The following GRIK3 variants were observed in gnomAD, a reference collection of about 807,000 sequenced individuals.
The protein encoded by GRIK3 is glutamate receptor ionotropic, kainate 3.
In GRIK3, 29 loss-of-function variants were observed where a neutral mutation model predicts 102.5. The ratio of observed to expected loss-of-function variants is 0.28; its 90% CI spans 0.21 to 0.39. The LOEUF is 0.39. Among genes scored for constraint, GRIK3 ranks in the 10% least tolerant of loss-of-function variants. GRIK3 has a pLI of 1.00. For missense variants in GRIK3, 908 were observed against 1,252.4 expected (o/e 0.73, Z 4.15); for synonymous variants, 511 against 504.9 (o/e 1.01, Z -0.16).
chr1:36,928,028 TGTCCTGCTCAAAGAGA>T (rs750879745), intron 1 of GRIK3, among the ~76,000 whole-genome samples: 1 of 152,144 alleles, frequency 6.6e-6, no homozygotes, highest in Non-Finnish European at 1.5e-5. Context: ...CGTGACCACT[TGTCCTGCTCAAAGAGA>T]GTGGGCTGGG....
chr1:36,826,503 A>G (rs1642756200), intron 10 of GRIK3, among the ~76,000 whole-genome samples: 1 of 152,070 alleles, frequency 6.6e-6, no homozygotes. Context: ...CTCCATCTCT[A>G]CAAAAAATTA....
At position 36,853,687 on chromosome 1, in the gene GRIK3, G is replaced by A. The variant is rs1640611557; in HGVS notation, c.1140C>T (p.Phe380=). Residue 380 remains phenylalanine, a synonymous_variant, in exon 8 of 16, where the codon TTC becomes TTT. Coordinates refer to ENST00000373091, the MANE Select transcript of GRIK3 (RefSeq NM_000831.4). Reference sequence around the variant, plus strand: ...CCGTCCGCAAGCCACTAGTTTTGTTGAAAACAATTCGTCCAGTTAATCCTT... The same window carrying A: ...CCGTCCGCAAGCCACTAGTTTTGTTAAAAACAATTCGTCCAGTTAATCCTT... The part of the protein sequence containing the change: ...QWEGLTGRIV[F]NKTSGLRTDF... The A allele has an allele frequency of 2.5e-6, 4 of 1,613,692 alleles. No individual in the cohort carries two copies. The highest frequency in any genetic ancestry group is 2.7e-5 in the African/African-American group (2 of 74,914).
Position 36,944,775 on chromosome 1 carries a change from A to C in GRIK3, c.116-53679T>G, listed in dbSNP as rs1641764362. ...GGTCTATGTCAATTTCCTCATCTTTAAAATGGGAGAACAACCACCTTGACG... is the reference window on the plus strand; with the variant it reads ...GGTCTATGTCAATTTCCTCATCTTTCAAATGGGAGAACAACCACCTTGACG... On this transcript the variant is annotated intron_variant, in intron 1 of 15. Transcript: ENST00000373091. Among the ~76,000 whole-genome samples the C allele has an allele frequency of 2.6e-5, 4 of 152,334 alleles. No homozygotes were observed. In the South Asian group the frequency reaches 6.2e-4, roughly 24 times the overall value.
intron 1 of GRIK3, among the ~76,000 whole-genome samples, chr1:36,986,256 C>T (rs918479877): frequency 7.2e-5 from 11 of 152,254 alleles, no homozygotes; most frequent in African/African-American, 2.4e-4. Flanking sequence ...TGCCATGATT[C>T]CTCAACATCC....
chr1:36,835,733 G>T (rs74064777), intron 10 of GRIK3, among the ~76,000 whole-genome samples: 1 of 152,136 alleles, frequency 6.6e-6, no homozygotes. Context: ...TTCTGACCTC[G>T]GTTTCCCCCA....
At chr1:36,979,536 G>A (rs1642228825) in intron 1 of GRIK3, among the ~76,000 whole-genome samples, 1 of 152,232 alleles carries the variant, frequency 6.6e-6, no homozygotes, top group African/African-American at 2.4e-5. Context: ...TGCTTCCCTG[G>A]AGATCAGGTT....
chr1:36,982,134 G>A (rs1642256358), intron 1 of GRIK3, among the ~76,000 whole-genome samples: 2 of 152,152 alleles, frequency 1.3e-5, no homozygotes, highest in South Asian at 2.1e-4. Flanking sequence ...GACATCCCAC[G>A]CGGCATGTCT....
chr1:36,910,340 G>C (rs993682240), intron 1 of GRIK3, among the ~76,000 whole-genome samples: 1 of 152,238 alleles, frequency 6.6e-6, no homozygotes, highest in Non-Finnish European at 1.5e-5. Flanking sequence ...ATTGAGACGT[G>C]GATCAGCGAG....
intron 1 of GRIK3, among the ~76,000 whole-genome samples, chr1:36,917,507 G>A (rs540109575): frequency 6.6e-5 from 10 of 152,326 alleles, no homozygotes; most frequent in African/African-American, 2.4e-4. Flanking sequence ...TGTTGTGGGA[G>A]GGACCCACTG....
intron 13 of GRIK3, among the ~76,000 whole-genome samples, chr1:36,811,620 G>C (rs1281250902): frequency 6.6e-6 from 1 of 152,170 alleles, no homozygotes; most frequent in African/African-American, 2.4e-5. Flanking sequence ...CATAAGGTGG[G>C]TGCCCTTTAG....
chr1:36,817,109 T>C lies in GRIK3; in HGVS notation c.2042A>G (p.Lys681Arg). 2 of 1,614,126 alleles carry C rather than the reference T, an allele frequency of 1.2e-6. No homozygotes were observed. The highest frequency in any genetic ancestry group is 1.7e-6 in the Non-Finnish European group (2 of 1,180,010). Residue 681 changes from lysine to arginine, a missense_variant, in exon 13 of 16, where the codon AAA becomes AGA. Around this residue, in one of 3 missense-constraint regions of GRIK3, gnomAD observed 297 missense variants for 362.7 expected, o/e 0.82. Transcript: ENST00000373091. Reference protein sequence around the residue: ...DSADDLAKQTKIEYGAVKDGA... With the variant: ...DSADDLAKQTRIEYGAVKDGA... Reference sequence around the variant, plus strand: ...ATCCTTGACAGCCCCATACTCGATTTTGGTTTGCTTGGCCAGGTCATCAGC... The same window carrying C: ...ATCCTTGACAGCCCCATACTCGATTCTGGTTTGCTTGGCCAGGTCATCAGC...
rs115204898 is a variant in GRIK3 at position 36,816,696 on chromosome 1, C to T, written c.2091+364G>A. 2.1e-3 allele frequency among the ~76,000 whole-genome samples: 324 copies of T among 152,300 alleles called. 1 individual carries two copies. Among genetic ancestry groups the T allele is most frequent in the African/African-American group, 7.4e-3 (307 of 41,552 alleles). On this transcript the variant is annotated intron_variant, in intron 13 of 15. Coordinates refer to ENST00000373091, the MANE Select transcript of GRIK3 (RefSeq NM_000831.4). ...TCTTTGAGATGGACGGCATTGAGGT[C>T]TGAAGCCAAGGGCGGGAAGCCCCTA...
intron 10 of GRIK3, among the ~76,000 whole-genome samples, chr1:36,832,513 G>T (rs1263973242): frequency 6.6e-6 from 1 of 152,182 alleles, no homozygotes; most frequent in South Asian, 2.1e-4. Flanking sequence ...CCACAAATTT[G>T]AACAGAGGGG....
intron 1 of GRIK3, among the ~76,000 whole-genome samples, chr1:37,005,311 G>A (rs1642519862): frequency 6.6e-6 from 1 of 152,168 alleles, no homozygotes; most frequent in South Asian, 2.1e-4. Flanking sequence ...CAGCCCACTA[G>A]GGCTGACTCT....
rs1641968369 is a variant in GRIK3 at position 36,959,194 on chromosome 1, G to T, written c.116-68098C>A. ...TGTGTCCCATGACTCTGTGTCCCGT[G>T]AGCCTGTGTGCCCTGTGAACCTGTG... is the stretch of plus-strand genomic sequence containing the variant. On this transcript the variant is annotated intron_variant, in intron 1 of 15. Coordinates refer to ENST00000373091, the MANE Select transcript of GRIK3 (RefSeq NM_000831.4). 1.5e-5 allele frequency among the ~76,000 whole-genome samples: 2 copies of T among 134,924 alleles called. 1 individual carries two copies. 88.5% of individuals were successfully genotyped at this position (134,924 alleles called of 152,430 possible).
At chr1:36,935,887 C>T (rs1300166254) in intron 1 of GRIK3, among the ~76,000 whole-genome samples, 1 of 152,120 alleles carries the variant, frequency 6.6e-6, no homozygotes, top group Non-Finnish European at 1.5e-5. Flanking sequence ...ATTGATGGTG[C>T]GCTTGAAGAC....
In GRIK3 at chr1:36,958,900, CTTGTGA is replaced by C. The variant is rs1641961469; in HGVS notation, c.116-67810_116-67805del. Among the ~76,000 whole-genome samples, 15 of 117,748 alleles carry C rather than the reference CTTGTGA, an allele frequency of 1.3e-4. 1 individual carries two copies. Among genetic ancestry groups the C allele is most frequent in the African/African-American group, 3.6e-4 (12 of 33,746 alleles). 77.2% of individuals were successfully genotyped at this position (117,748 alleles called of 152,430 possible). The stretch of plus-strand genomic sequence containing the variant: ...GCCTGTGTGCCCTGTGAGTCTGTGC[CTTGTGA>C]CTCTGTGCCCCATGAGCCTGTGTGC... On this transcript the variant is annotated intron_variant, in intron 1 of 15. Transcript: ENST00000373091.
At chr1:36,973,945 G>A (rs1237266099) in intron 1 of GRIK3, among the ~76,000 whole-genome samples, 1 of 152,120 alleles carries the variant, frequency 6.6e-6, no homozygotes, top group Non-Finnish European at 1.5e-5. Flanking sequence ...AAGTGTGAGG[G>A]GGAAGTAACA....
intron 10 of GRIK3, among the ~76,000 whole-genome samples, chr1:36,831,295 T>C (rs1640291115): frequency 6.6e-6 from 1 of 152,226 alleles, no homozygotes; most frequent in Admixed American, 6.5e-5. Flanking sequence ...TCACGTTGCC[T>C]GGCTTGGGAG....
Sources: allele counts gnomAD v4.1 joint callset (sites outside exome capture counted in the v4.1 genomes callset), GRCh38; gene constraint gnomAD v4.1.1; regional missense constraint gnomAD v4.1.1; transcripts MANE v1.5; gene names NCBI Gene and HGNC (gene_info 2026-07-23, HGNC 2026-07-21).